Variants in PLCB1 observed in about 807,000 individuals in gnomAD.
PLCB1 encodes phospholipase C beta 1.
PLCB1 carries 46 observed loss-of-function variants against 161.8 expected under a neutral mutation model. The ratio of observed to expected loss-of-function variants is 0.28; its 90% CI spans 0.22 to 0.36. The LOEUF is 0.36. PLCB1 is among the 10% of genes least tolerant of loss of function. PLCB1 has a pLI of 1.00. For synonymous variants in PLCB1, 517 were observed against 503.7 expected (o/e 1.03, Z -0.35); for missense variants, 1,016 against 1,472.5 (o/e 0.69, Z 5.07).
intron 3 of PLCB1, among the ~76,000 whole-genome samples, chr20:8,385,462 C>G (rs192224036): frequency 1.3e-5 from 2 of 152,354 alleles, no homozygotes; most frequent in Non-Finnish European, 2.9e-5. Flanking sequence ...CAGGCAGTTA[C>G]AAGTCCCAGT....
chr20:8,732,653 T>G (rs908740907), intron 18 of PLCB1, among the ~76,000 whole-genome samples: 2 of 145,256 alleles, frequency 1.4e-5, no homozygotes, highest in Non-Finnish European at 3.0e-5. Context: ...AGATATTAGA[T>G]ATTGTATCAT....
intron 31 of PLCB1, among the ~76,000 whole-genome samples, chr20:8,875,526 ATATAT>A (rs1300262486): frequency 6.8e-6 from 1 of 147,784 alleles, no homozygotes; most frequent in Non-Finnish European, 1.5e-5. Context: ...TATAAATATA[ATATAT>A]TAATATTTAT....
intron 3 of PLCB1, among the ~76,000 whole-genome samples, chr20:8,424,690 T>C (rs1233651905): frequency 6.6e-6 from 1 of 152,200 alleles, no homozygotes; most frequent in Non-Finnish European, 1.5e-5. Context: ...ACTATGTGTT[T>C]AGCAAGTCTT....
At chr20:8,492,470 CTGTGTGTGTGTGTT>C (rs1369965594) in intron 3 of PLCB1, among the ~76,000 whole-genome samples, 5 of 151,612 alleles carry the variant, frequency 3.3e-5, no homozygotes, top group Non-Finnish European at 5.9e-5. Context: ...TGCTTTTTCT[CTGTGTGTGTGTGTT>C]TGTGTGTGTG....
chr20:8,366,759 C>T (rs1398703774), intron 2 of PLCB1, among the ~76,000 whole-genome samples: 1 of 149,462 alleles, frequency 6.7e-6, no homozygotes, highest in African/African-American at 2.6e-5. Context: ...ATAAAGGGTT[C>T]TTTTAGTACA....
At chr20:8,529,478 G>A (rs974405752) in intron 3 of PLCB1, among the ~76,000 whole-genome samples, 3 of 151,946 alleles carry the variant, frequency 2.0e-5, no homozygotes, top group Admixed American at 2.0e-4. Flanking sequence ...TTAAAAATAA[G>A]GAAAAGTTTC....
chr20:8,220,715 A>T (rs140194641), intron 2 of PLCB1, among the ~76,000 whole-genome samples: 1 of 152,194 alleles, frequency 6.6e-6, no homozygotes, highest in African/African-American at 2.4e-5. Flanking sequence ...TTGGACTTCC[A>T]GCTTCCAGAA....
At chr20:8,526,974 T>C (rs1045278299) in intron 3 of PLCB1, among the ~76,000 whole-genome samples, 4 of 152,064 alleles carry the variant, frequency 2.6e-5, no homozygotes, top group African/African-American at 9.7e-5. Context: ...CATCCTCTGA[T>C]GTTTGTTTAG....
chr20:8,309,782 A>G (rs1984309060), intron 2 of PLCB1, among the ~76,000 whole-genome samples: 1 of 152,176 alleles, frequency 6.6e-6, no homozygotes, highest in Non-Finnish European at 1.5e-5. Context: ...TGATTTGCAT[A>G]CCAAACCAGG....
chr20:8,182,435 G>T (rs1006052648), intron 2 of PLCB1, among the ~76,000 whole-genome samples: 29 of 151,940 alleles, frequency 1.9e-4, no homozygotes, highest in African/African-American at 6.5e-4. Flanking sequence ...TTATCCTGTG[G>T]ACCCCTACGT....
At chr20:8,193,513 A>G (rs538198302) in intron 2 of PLCB1, among the ~76,000 whole-genome samples, 1 of 152,020 alleles carries the variant, frequency 6.6e-6, no homozygotes, top group Admixed American at 6.6e-5. Context: ...ACATTTGCAT[A>G]TATTTGCATA....
At chr20:8,828,154 G>C (rs370881199) in intron 31 of PLCB1, among the ~76,000 whole-genome samples, 1 of 152,170 alleles carries the variant, frequency 6.6e-6, no homozygotes, top group Non-Finnish European at 1.5e-5. Flanking sequence ...GCATTGGGGG[G>C]TGTGATGGTG....
intron 31 of PLCB1, among the ~76,000 whole-genome samples, chr20:8,790,490 G>A (rs1354187242): frequency 6.6e-6 from 1 of 152,160 alleles, no homozygotes; most frequent in East Asian, 1.9e-4. Context: ...CCCAGCCCCA[G>A]AGATTTGGCT....
intron 2 of PLCB1, among the ~76,000 whole-genome samples, chr20:8,367,769 T>A (rs1986762689): frequency 6.6e-6 from 1 of 152,078 alleles, no homozygotes; most frequent in Non-Finnish European, 1.5e-5. Flanking sequence ...CACGAGAAAA[T>A]TAACCTAGAA....
At chr20:8,557,907 C>T (rs1008735684) in intron 3 of PLCB1, among the ~76,000 whole-genome samples, 5 of 151,764 alleles carry the variant, frequency 3.3e-5, no homozygotes, top group African/African-American at 1.2e-4. Flanking sequence ...GAGTATCCCA[C>T]TCACAGGAAA....
At chr20:8,419,181 G>T (rs1979428468) in intron 3 of PLCB1, among the ~76,000 whole-genome samples, 1 of 152,176 alleles carries the variant, frequency 6.6e-6, no homozygotes, top group Admixed American at 6.5e-5. Flanking sequence ...AAAAATGGAA[G>T]TTTACTTGTC....
intron 10 of PLCB1, among the ~76,000 whole-genome samples, 195 bp from the exon 11 acceptor site, chr20:8,697,431 C>G (rs1425424889): frequency 6.6e-6 from 1 of 152,138 alleles, no homozygotes; most frequent in Non-Finnish European, 1.5e-5. Context: ...CTATCTTTTC[C>G]CAAAGCACTA....
At chr20:8,481,097 C>T (rs1226607469) in intron 3 of PLCB1, among the ~76,000 whole-genome samples, 1 of 152,010 alleles carries the variant, frequency 6.6e-6, no homozygotes, top group East Asian at 1.9e-4. Context: ...CAGAGCAAGA[C>T]TTAATCCCCC....
intron 27 of PLCB1, among the ~76,000 whole-genome samples, chr20:8,776,621 A>T (rs1982956569): frequency 6.6e-6 from 1 of 152,252 alleles, no homozygotes; most frequent in African/African-American, 2.4e-5. Flanking sequence ...TCAATTTTAG[A>T]GCATTTTCAT....
Sources: allele counts gnomAD v4.1 joint callset (sites outside exome capture counted in the v4.1 genomes callset), GRCh38; gene constraint gnomAD v4.1.1; transcripts MANE v1.5; gene names NCBI Gene and HGNC (gene_info 2026-07-23, HGNC 2026-07-21).